The following TRABD2B variants were observed in gnomAD, a reference collection of about 807,000 sequenced individuals.
TRABD2B encodes the protein TraB domain containing 2B.
TRABD2B carries 14 observed loss-of-function variants against 40.1 expected under a neutral mutation model. The ratio of observed to expected loss-of-function variants is 0.35; its 90% CI spans 0.23 to 0.55. The LOEUF (loss-of-function observed/expected upper bound fraction) is 0.55. Ranked by LOEUF, TRABD2B falls within the 20% of genes least tolerant of loss-of-function variation. TRABD2B has a pLI of 0.90. For synonymous variants in TRABD2B, 263 were observed against 277.0 expected, an observed-to-expected ratio of 0.95 and a Z score of 0.50; for missense variants, 541 against 648.6, an observed-to-expected ratio of 0.83 and a Z score of 1.80.
chr1:47,852,272 G>A (rs1341318937), intron 2 of TRABD2B, among the ~76,000 whole-genome samples: 8 of 152,164 alleles, frequency 5.3e-5, no homozygotes, highest in South Asian at 2.1e-4. Flanking sequence ...TAAGGCGTGC[G>A]GAGCTCCTGG....
intron 2 of TRABD2B, among the ~76,000 whole-genome samples, chr1:47,935,694 T>C (rs1645097751): frequency 6.6e-6 from 1 of 152,270 alleles, no homozygotes; most frequent in Non-Finnish European, 1.5e-5. Context: ...CTGAATTTTC[T>C]AGGTTAGTCC....
intron 2 of TRABD2B, among the ~76,000 whole-genome samples, chr1:47,835,357 A>C (rs1645304737): frequency 6.6e-6 from 1 of 152,142 alleles, no homozygotes; most frequent in Admixed American, 6.5e-5. Context: ...AGAAGGATAA[A>C]GGATTTTGAT....
chr1:47,867,289 A>C (rs1415577211), intron 2 of TRABD2B, among the ~76,000 whole-genome samples: 1 of 152,196 alleles, frequency 6.6e-6, no homozygotes. Flanking sequence ...TGGCATCAGG[A>C]TGTGAAACTA....
At chr1:47,824,919 C>A (rs1460363412) in intron 2 of TRABD2B, among the ~76,000 whole-genome samples, 1 of 152,184 alleles carries the variant, frequency 6.6e-6, no homozygotes, top group Non-Finnish European at 1.5e-5. Flanking sequence ...ACACGGCTGC[C>A]CACAGGAGGA....
At chr1:47,934,407 C>T (rs1645079509) in intron 2 of TRABD2B, among the ~76,000 whole-genome samples, 1 of 152,256 alleles carries the variant, frequency 6.6e-6, no homozygotes, top group African/African-American at 2.4e-5. Context: ...AAGGCGCATT[C>T]TTCTGGCAGT....
intron 2 of TRABD2B, chr1:47,818,685 A>T (rs1258772344): frequency 6.6e-6 from 1 of 152,222 alleles, no homozygotes; most frequent in Non-Finnish European, 1.5e-5. Context: ...GCTGTCCCTC[A>T]CCAGGGAGAG....
intron 2 of TRABD2B, among the ~76,000 whole-genome samples, chr1:47,944,861 G>A (rs148022088): frequency 7.9e-5 from 12 of 152,296 alleles, no homozygotes; most frequent in East Asian, 5.8e-4. Context: ...CAAACTTCCC[G>A]GGAGGGAACA....
intron 2 of TRABD2B, among the ~76,000 whole-genome samples, chr1:47,967,820 C>T (rs1645625089): frequency 6.6e-6 from 1 of 152,226 alleles, no homozygotes; most frequent in Non-Finnish European, 1.5e-5. Context: ...CAAGAGTTGG[C>T]TGCTGTACAC....
chr1:47,767,718 C>T (rs1644323593), intron 6 of TRABD2B, among the ~76,000 whole-genome samples: 1 of 152,228 alleles, frequency 6.6e-6, no homozygotes, highest in African/African-American at 2.4e-5. Flanking sequence ...GCTGTAGAAA[C>T]AGGGCAGGGC....
In TRABD2B at chr1:47,962,588, G is replaced by A. The variant is rs1026521370; in HGVS notation, c.666+31446C>T. Among the ~76,000 whole-genome samples the A allele has an allele frequency of 9.9e-5, 15 of 152,174 alleles. No individual in the cohort carries two copies. The East Asian group carries it at 1.9e-3, about 20-fold the overall frequency. ...CTAATGCTCAATTAGTCCTTACCAC[G>A]TGCCAGGCACTGCTCTAGACACTTT... On this transcript the variant is annotated intron_variant, in intron 2 of 6. Coordinates refer to ENST00000606738, the MANE Select transcript of TRABD2B (RefSeq NM_001194986.2).
chr1:47,954,361 T>C (rs1010919663), intron 2 of TRABD2B, among the ~76,000 whole-genome samples: 1 of 152,138 alleles, frequency 6.6e-6, no homozygotes, highest in Non-Finnish European at 1.5e-5. Context: ...AATGGGCTGA[T>C]ATCCATTTGG....
chr1:47,796,656 C>T (rs946472985), intron 3 of TRABD2B, among the ~76,000 whole-genome samples: 7 of 152,226 alleles, frequency 4.6e-5, no homozygotes, highest in Non-Finnish European at 8.8e-5. Flanking sequence ...CCTGACTCAC[C>T]GCTCTGGGAT....
At position 47,975,004 on chromosome 1, in the gene TRABD2B, C is replaced by T. The variant is rs74591543; in HGVS notation, c.666+19030G>A. On this transcript the variant is annotated intron_variant, in intron 2 of 6. Transcript: ENST00000606738. ...TGCTCTTCAAAACTGTCAAGGTCAT[C>T]GAAAACAAGGAAAGTCTGAGAAACT... Among the ~76,000 whole-genome samples the T allele has an allele frequency of 1.1e-4, 17 of 152,134 alleles. No homozygotes were observed. The East Asian group carries it at 3.3e-3, about 29-fold the overall frequency.
chr1:47,806,299 C>T (rs1174239711), intron 2 of TRABD2B, among the ~76,000 whole-genome samples: 1 of 152,182 alleles, frequency 6.6e-6, no homozygotes, highest in Admixed American at 6.5e-5. Context: ...GATGTGCCAA[C>T]TGGCCAGCAC....
intron 2 of TRABD2B, among the ~76,000 whole-genome samples, chr1:47,823,861 G>A (rs1162345992): frequency 6.6e-6 from 1 of 152,158 alleles, no homozygotes; most frequent in Non-Finnish European, 1.5e-5. Flanking sequence ...GCCATGAAAG[G>A]GGTGAGATTT....
chr1:47,783,143 G>A (rs552704829), intron 4 of TRABD2B, among the ~76,000 whole-genome samples: 4 of 152,122 alleles, frequency 2.6e-5, no homozygotes, highest in Non-Finnish European at 4.4e-5. Context: ...AAAGGGGCAC[G>A]GAGGAGGAAG....
At chr1:47,822,163 C>A (rs77878771) in intron 2 of TRABD2B, among the ~76,000 whole-genome samples, 1 of 139,818 alleles carries the variant, frequency 7.2e-6, no homozygotes, top group East Asian at 2.1e-4. Context: ...CACACACACA[C>A]ACACAAACAC....
intron 2 of TRABD2B, among the ~76,000 whole-genome samples, chr1:47,951,009 C>A (rs143436899): frequency 6.6e-6 from 1 of 152,326 alleles, no homozygotes; most frequent in Non-Finnish European, 1.5e-5. Flanking sequence ...GCCTTCAATG[C>A]ATTTTTATGA....
intron 2 of TRABD2B, among the ~76,000 whole-genome samples, chr1:47,915,024 G>A (rs1323434878): frequency 6.6e-6 from 1 of 152,248 alleles, no homozygotes; most frequent in Non-Finnish European, 1.5e-5. Context: ...CAAATGCCAT[G>A]AGGCAGATTC....
Sources: gnomAD v4.1 joint callset for allele counts (sites outside exome capture counted in the v4.1 genomes callset) on GRCh38, gnomAD v4.1.1 for gene constraint, MANE v1.5 for transcripts, NCBI Gene and HGNC (gene_info 2026-07-23, HGNC 2026-07-21) for gene names.